MYH13: variants seen among roughly 807,000 people sequenced by gnomAD.
MYH13 encodes the protein myosin heavy chain 13, also known as myosin-13.
Under a neutral mutation model 232.1 loss-of-function variants are expected in MYH13, and 177 were observed. That is an observed-to-expected ratio of 0.76 (90% CI 0.67 to 0.86). The LOEUF is 0.86. Ranked by LOEUF, MYH13 falls within the 40% of genes least tolerant of loss-of-function variation. MYH13 has a pLI of 0.00. For missense variants in MYH13, 2,246 were observed against 2,405.9 expected (o/e 0.93, Z 1.39); for synonymous variants, 884 against 923.5 (o/e 0.96, Z 0.78).
intron 35 of MYH13, among the ~76,000 whole-genome samples, chr17:10,308,789 A>G (rs1330641533): frequency 6.6e-6 from 1 of 151,984 alleles, no homozygotes; most frequent in African/African-American, 2.4e-5. Flanking sequence ...TGGCATGATC[A>G]TAGTTCATTG....
chr17:10,330,433 T>A lies in MYH13; in HGVS notation c.2389A>T (p.Arg797Trp), dbSNP rs779393836. The change falls in exon 21 of 41, where the codon AGG becomes TGG. Residue 797 changes from arginine (R) to tryptophan (W), a missense_variant. Physicochemically the swap from Arg to Trp is moderately radical, Grantham distance 101. Transcript: ENST00000252172. ...TLMTSTQAVCRGYLMRVEFKK... is the reference protein window; with the variant it reads ...TLMTSTQAVCWGYLMRVEFKK... ...AACTCCACCCGCATCAGGTACCCCC[T>A]GCACACCGCCTGCGTGCTTGTCATC... 2 of 1,613,564 alleles carry A rather than the reference T, an allele frequency of 1.2e-6. No homozygotes were observed. Among genetic ancestry groups the A allele is most frequent in the South Asian group, 1.1e-5 (1 of 90,986 alleles).
Position 10,303,487 on chromosome 17 carries a change from CAG to C in MYH13, c.5476_5477del (p.Leu1826GlyfsTer3). On this transcript the variant is annotated frameshift_variant, in exon 38 of 41. Coordinates refer to ENST00000252172, the MANE Select transcript of MYH13 (RefSeq NM_003802.3). LOFTEE classifies it high-confidence loss of function. ...IQKLENRVRE[L>X]ENELDVEQKR... ...TCTGTTCCACATCAAGCTCATTTTC[CAG>C]CTCCCGCACCTGAGTAGGATGAAAG... is the stretch of plus-strand genomic sequence containing the variant. The C allele has an allele frequency of 2.5e-6, 4 of 1,613,926 alleles. No homozygotes were observed. Among genetic ancestry groups the C allele is most frequent in the Non-Finnish European group, 3.4e-6 (4 of 1,179,860 alleles).
intron 16 of MYH13, 21 bp from the exon 17 acceptor site, chr17:10,340,422 G>A: frequency 6.2e-7 from 1 of 1,600,232 alleles, no homozygotes. Flanking sequence ...ACACAGAAGA[G>A]CGTGTTAGAT....
chr17:10,355,162 G>A lies in MYH13; in HGVS notation c.739-15C>T, dbSNP rs1206736296. 3.2e-6 allele frequency: 5 copies of A among 1,561,818 alleles called. No individual in the cohort carries two copies. Among genetic ancestry groups the A allele is most frequent in the African/African-American group, 1.4e-5 (1 of 73,642 alleles). Reference sequence around the variant, plus strand: ...ATGAACTTCCCCTGTCCAATAACAGGTGGACAAATGTTACGGTTATTTGAT... The same window carrying A: ...ATGAACTTCCCCTGTCCAATAACAGATGGACAAATGTTACGGTTATTTGAT... On this transcript the variant is annotated splice_polypyrimidine_tract_variant and intron_variant, in intron 8 of 40. Coordinates refer to ENST00000252172, the MANE Select transcript of MYH13 (RefSeq NM_003802.3).
At chr17:10,344,151 C>T (rs1396015959) in intron 15 of MYH13, 42 bp from the exon 16 acceptor site, 25 of 1,593,802 alleles carry the variant, frequency 1.6e-5, no homozygotes, top group Non-Finnish European at 1.9e-5. Flanking sequence ...TAGTGCATAC[C>T]CATGCTTCAT....
rs543941370 is a variant in MYH13, at chr17:10,348,789, C to T, written c.1144+1767G>A. 6.7e-4 allele frequency among the ~76,000 whole-genome samples: 102 copies of T among 152,246 alleles called. 1 individual carries two copies. Among genetic ancestry groups the T allele is most frequent in the African/African-American group, 2.2e-3 (90 of 41,536 alleles). ...TGTACTTCCCCTGCTACTTGGACAG[C>T]GGCTTCCGTGGCCTGCCATATATTC... On this transcript the variant is annotated intron_variant, in intron 12 of 40. Transcript: ENST00000252172.
chr17:10,332,599 G>A (rs749775867), intron 19 of MYH13, among the ~76,000 whole-genome samples: 12 of 152,184 alleles, frequency 7.9e-5, no homozygotes, highest in Admixed American at 2.0e-4. Context: ...GACAAGGCCC[G>A]GACTTGTGCA....
At position 10,305,819 on chromosome 17, in the gene MYH13, A is replaced by G. The variant is rs543593677; in HGVS notation, c.5466+640T>C. Among the ~76,000 whole-genome samples the G allele has an allele frequency of 5.6e-4, 86 of 152,326 alleles. 1 individual carries two copies. The highest frequency in any genetic ancestry group is 2.0e-3 in the African/African-American group (82 of 41,570). ...CTGCAGGATACGCTCCCAGATAAAG[A>G]AAGAGCAGGGATGTCCAGGTGTCGG... is the stretch of plus-strand genomic sequence containing the variant. On this transcript the variant is annotated intron_variant, in intron 37 of 40. Coordinates refer to ENST00000252172, the MANE Select transcript of MYH13 (RefSeq NM_003802.3).
chr17:10,316,201 C>T (rs1298829483), intron 27 of MYH13, among the ~76,000 whole-genome samples, 176 bp from the exon 28 acceptor site: 3 of 152,196 alleles, frequency 2.0e-5, no homozygotes, highest in African/African-American at 7.2e-5. Flanking sequence ...TGGCTCACGC[C>T]TATAATCCCA....
chr17:10,346,226 T>G (rs2071665699), intron 13 of MYH13, among the ~76,000 whole-genome samples: 1 of 152,168 alleles, frequency 6.6e-6, no homozygotes, highest in South Asian at 2.1e-4. Flanking sequence ...GGTGAACACT[T>G]GATCCAGATT....
chr17:10,349,935 G>A (rs1284830738), intron 12 of MYH13, among the ~76,000 whole-genome samples: 1 of 152,198 alleles, frequency 6.6e-6, no homozygotes, highest in East Asian at 1.9e-4. Context: ...AAGAAGCATC[G>A]TGAGAGCTAA....
Position 10,355,156 on chromosome 17 carries a change from T to A in MYH13, c.739-9A>T. 6.4e-7 allele frequency: 1 copy of A among 1,566,564 alleles called. No homozygotes were observed. Among genetic ancestry groups the A allele is most frequent in the Non-Finnish European group, 8.7e-7 (1 of 1,154,088 alleles). On this transcript the variant is annotated splice_polypyrimidine_tract_variant and intron_variant, in intron 8 of 40. Coordinates refer to ENST00000252172, the MANE Select transcript of MYH13 (RefSeq NM_003802.3). Reference sequence around the variant, plus strand: ...ATCCGAATGAACTTCCCCTGTCCAATAACAGGTGGACAAATGTTACGGTTA... The same window carrying A: ...ATCCGAATGAACTTCCCCTGTCCAAAAACAGGTGGACAAATGTTACGGTTA...
At chr17:10,358,600 A>G (rs1360658247) in intron 7 of MYH13, among the ~76,000 whole-genome samples, 1 of 152,044 alleles carries the variant, frequency 6.6e-6, no homozygotes, top group Non-Finnish European at 1.5e-5. Flanking sequence ...TCTACAAAAA[A>G]TTAAAAAAAA....
At chr17:10,323,833 A>AAGAAGAAGAAGAAGAAGAGTC (rs1409824742) in intron 23 of MYH13, among the ~76,000 whole-genome samples, 189 bp downstream of exon 23, 3 of 142,614 alleles carry the variant, frequency 2.1e-5, no homozygotes, top group African/African-American at 7.9e-5. Context: ...GAAGAAGAAG[A>AAGAAGAAGAAGAAGAAGAGTC]GTCTATGGGT....
At chr17:10,328,182 A>C in intron 21 of MYH13, 61 bp from the exon 22 acceptor site, 1 of 1,570,626 alleles carries the variant, frequency 6.4e-7, no homozygotes, top group Non-Finnish European at 8.6e-7. Context: ...TGCACCCCCA[A>C]CCTGTCCCCG....
intron 13 of MYH13, among the ~76,000 whole-genome samples, chr17:10,346,027 G>C (rs111274860): frequency 1.1e-4 from 10 of 87,178 alleles, no homozygotes; most frequent in African/African-American, 5.4e-4. Context: ...AAGAAAAAAA[G>C]AAAATCAAAA....
chr17:10,346,969 G>T (rs548048142), intron 12 of MYH13, among the ~76,000 whole-genome samples, 171 bp from the exon 13 acceptor site: 36 of 152,246 alleles, frequency 2.4e-4, no homozygotes, highest in African/African-American at 8.7e-4. Context: ...CCATATCCAG[G>T]GGCCCATGGT....
At position 10,355,146 on chromosome 17, in the gene MYH13, C is replaced by T. The variant is rs564290298; in HGVS notation, c.740G>A (p.Gly247Glu). The change falls in exon 9 of 41, where the codon GGG becomes GAG. Residue 247 changes from glycine to glutamate, a missense_variant and splice_region_variant. By Grantham distance (98) the Gly-to-Glu change is moderately conservative (BLOSUM62 -2). Transcript: ENST00000252172. Reference protein sequence around the residue: ...TVRNDNSSRFGKFIRIHFGAT... With the variant: ...TVRNDNSSRFEKFIRIHFGAT... ...TCCAAAATGAATCCGAATGAACTTC[C>T]CCTGTCCAATAACAGGTGGACAAAT... The T allele has an allele frequency of 1.1e-5, 17 of 1,572,888 alleles. No homozygotes were observed. The South Asian group carries it at 1.4e-4, about 13-fold the overall frequency.
chr17:10,332,363 C>G, intron 19 of MYH13, 141 bp from the exon 20 acceptor site: 1 of 1,141,678 alleles, frequency 8.8e-7, no homozygotes, highest in Non-Finnish European at 1.3e-6. Flanking sequence ...ATGGGAATAG[C>G]TAGGGACTGA....
Sources: allele counts gnomAD v4.1 joint callset (sites outside exome capture counted in the v4.1 genomes callset), GRCh38; gene constraint gnomAD v4.1.1; transcripts MANE v1.5; gene names NCBI Gene and HGNC (gene_info 2026-07-23, HGNC 2026-07-21).